Variants in CMKLR2 observed in about 807,000 individuals in gnomAD.
The protein encoded by CMKLR2 is chemerin-like receptor 2.
A neutral mutation model predicts 23.0 loss-of-function variants in CMKLR2; 18 were observed. That is an observed-to-expected ratio of 0.78 (90% CI 0.54 to 1.16). The LOEUF is 1.16. Among genes scored for constraint, CMKLR2 ranks in the 50% most tolerant of loss-of-function variants. The pLI is 0.00. For missense variants in CMKLR2, 401 were observed against 412.7 expected, an observed-to-expected ratio of 0.97 and a Z score of 0.25; for synonymous variants, 158 against 158.9, an observed-to-expected ratio of 0.99 and a Z score of 0.05.
chr2:206,188,611 TTC>T (rs1187194410), intron 1 of CMKLR2, among the ~76,000 whole-genome samples: 1 of 152,142 alleles, frequency 6.6e-6, no homozygotes, highest in African/African-American at 2.4e-5. Context: ...TGAAGCAAAG[TTC>T]AGAGAACCTC....
intron 1 of CMKLR2, among the ~76,000 whole-genome samples, chr2:206,210,014 A>G (rs1328595097): frequency 4.9e-5 from 7 of 143,352 alleles, no homozygotes; most frequent in Non-Finnish European, 7.5e-5. Context: ...CCCAGACTGG[A>G]GGGCAGTGGC....
chr2:206,198,339 A>T (rs1688983893), intron 1 of CMKLR2, among the ~76,000 whole-genome samples: 3 of 152,202 alleles, frequency 2.0e-5, no homozygotes, highest in Non-Finnish European at 4.4e-5. Context: ...AGCTCTGAAT[A>T]TCACTAACTA....
chr2:206,204,441 G>C (rs190055464), intron 1 of CMKLR2, among the ~76,000 whole-genome samples: 4 of 151,148 alleles, frequency 2.6e-5, no homozygotes, highest in Admixed American at 6.6e-5. Context: ...TATTTCACAT[G>C]ACTTACATGA....
upstream of CMKLR2, among the ~76,000 whole-genome samples, chr2:206,215,642 TAAATA>T (rs1689729969): frequency 6.6e-6 from 1 of 152,210 alleles, no homozygotes; most frequent in Non-Finnish European, 1.5e-5. Context: ...AAAGGAATAA[TAAATA>T]AAATATCTCT....
chr2:206,194,277 A>G (rs559056585), intron 1 of CMKLR2, among the ~76,000 whole-genome samples: 11 of 152,296 alleles, frequency 7.2e-5, no homozygotes, highest in Admixed American at 2.0e-4. Context: ...CGTACAGATT[A>G]TGCTTGAAAA....
intron 1 of CMKLR2, among the ~76,000 whole-genome samples, chr2:206,186,710 C>T (rs1315152711): frequency 6.6e-6 from 1 of 151,676 alleles, no homozygotes; most frequent in Non-Finnish European, 1.5e-5. Context: ...CCTTTTTAGC[C>T]ATGAAGACTT....
chr2:206,176,314 G>C lies in CMKLR2; in HGVS notation c.934C>G (p.Gln312Glu), dbSNP rs1432003400. The C allele has an allele frequency of 6.2e-7, 1 of 1,614,148 alleles. No homozygotes were observed. The change falls in exon 2 of 2, where the codon CAA (glutamine) becomes GAA (glutamate). Residue 312 changes from glutamine to glutamate, a missense_variant. By Grantham distance (29) the Gln-to-Glu change is conservative. Coordinates refer to ENST00000621141, the MANE Select transcript of CMKLR2 (RefSeq NM_001389445.1). ...GCAACTGAGGACCGGAAGCGAGCTT[G>C]GAACTTCTTACTAATTAGGACATAA... ...ILYVLISKKF[Q>E]ARFRSSVAEI...
intron 1 of CMKLR2, among the ~76,000 whole-genome samples, chr2:206,179,864 T>G (rs1247210496): frequency 6.6e-6 from 1 of 152,140 alleles, no homozygotes; most frequent in Non-Finnish European, 1.5e-5. Context: ...TAGATTATAG[T>G]AGGGTTAGAA....
chr2:206,176,157 C>A lies in CMKLR2; in HGVS notation c.*23G>T. On this transcript the variant is annotated 3_prime_UTR_variant, in exon 2 of 2. Transcript: ENST00000621141. ...GAGGACCCACATAAAAAGCCATATA[C>A]TGATTTGTGGAAAAGTAATAACTTA... The A allele has an allele frequency of 6.5e-7, 1 of 1,542,332 alleles. No individual in the cohort carries two copies. Among genetic ancestry groups the A allele is most frequent in the Non-Finnish European group, 8.8e-7 (1 of 1,134,722 alleles).
intron 1 of CMKLR2, among the ~76,000 whole-genome samples, chr2:206,210,075 T>G (rs1471893277): frequency 4.6e-5 from 7 of 151,838 alleles, no homozygotes; most frequent in African/African-American, 1.7e-4. Context: ...GCAATTCTCG[T>G]GCCTCAGCCT....
At chr2:206,217,575 C>T (rs1012074982), upstream of CMKLR2, 1 of 152,222 alleles carries the variant, frequency 6.6e-6, no homozygotes, top group African/African-American at 2.4e-5. Context: ...GGACTTAGTT[C>T]TCCATCTTTT....
At chr2:206,184,735 G>A (rs140831643) in intron 1 of CMKLR2, among the ~76,000 whole-genome samples, 2 of 152,024 alleles carry the variant, frequency 1.3e-5, no homozygotes, top group South Asian at 2.1e-4. Flanking sequence ...TCTGAATCCC[G>A]ATCACTCATT....
chr2:206,183,429 G>A (rs1688478455), intron 1 of CMKLR2, among the ~76,000 whole-genome samples: 1 of 152,172 alleles, frequency 6.6e-6, no homozygotes, highest in Non-Finnish European at 1.5e-5. Flanking sequence ...TGTTGGGGCA[G>A]GGGATTGGAG....
intron 1 of CMKLR2, among the ~76,000 whole-genome samples, chr2:206,203,107 G>A (rs1689160909): frequency 6.7e-6 from 1 of 148,652 alleles, no homozygotes; most frequent in African/African-American, 2.5e-5. Context: ...TTTGAGGTCA[G>A]GAGTTCAAGA....
intron 1 of CMKLR2, chr2:206,203,332 A>C (rs1689177093): frequency 9.5e-6 from 1 of 105,800 alleles, no homozygotes. Flanking sequence ...TCTGTCTCAA[A>C]AAAAAAAAAA....
chr2:206,202,993 T>C (rs1689156860), intron 1 of CMKLR2, among the ~76,000 whole-genome samples: 1 of 151,738 alleles, frequency 6.6e-6, no homozygotes, highest in Non-Finnish European at 1.5e-5. Flanking sequence ...TGGCCCCCTT[T>C]GTAGGCACAA....
At chr2:206,191,693 G>T (rs1394267215) in intron 1 of CMKLR2, among the ~76,000 whole-genome samples, 3 of 148,472 alleles carry the variant, frequency 2.0e-5, no homozygotes, top group African/African-American at 5.0e-5. Flanking sequence ...TTTTAGACAG[G>T]GTCTGGCTGT....
At chr2:206,192,306 AT>A (rs201719052) in intron 1 of CMKLR2, among the ~76,000 whole-genome samples, 12,732 of 146,742 alleles carry the variant, frequency 0.087, 695 homozygotes, top group Admixed American at 0.19. Context: ...AAATTTATTT[AT>A]TTTTTTTTTA....
chr2:206,216,992 C>G (rs1480118071), upstream of CMKLR2, among the ~76,000 whole-genome samples: 1 of 152,130 alleles, frequency 6.6e-6, no homozygotes, highest in East Asian at 1.9e-4. Context: ...TCTAAAAACT[C>G]TGATGATAGA....
Sources: gnomAD v4.1 joint callset for allele counts (sites outside exome capture counted in the v4.1 genomes callset) on GRCh38, gnomAD v4.1.1 for gene constraint, MANE v1.5 for transcripts, NCBI Gene and HGNC (gene_info 2026-07-23, HGNC 2026-07-21) for gene names.